Variants in CPNE4 observed in about 807,000 individuals in gnomAD.
CPNE4 encodes the protein copine-4.
Under a neutral mutation model 67.9 loss-of-function variants are expected in CPNE4, and 25 were observed. The observed-to-expected ratio is 0.37, with a 90% CI of 0.27 to 0.51. CPNE4 has a LOEUF of 0.51. Among genes scored for constraint, CPNE4 ranks in the 20% least tolerant of loss-of-function variants. The pLI is 0.93. For synonymous variants in CPNE4, 242 were observed against 244.9 expected, an observed-to-expected ratio of 0.99 and a Z score of 0.11; for missense variants, 464 against 690.8, an observed-to-expected ratio of 0.67 and a Z score of 3.68.
At chr3:131,547,664 G>A (rs901009775) in intron 14 of CPNE4, among the ~76,000 whole-genome samples, 7 of 151,938 alleles carry the variant, frequency 4.6e-5, no homozygotes, top group African/African-American at 1.7e-4. Flanking sequence ...CCAGCATAAA[G>A]GCTAATATAT....
At chr3:131,929,593 A>C (rs2369232) in intron 1 of CPNE4, among the ~76,000 whole-genome samples, 113,841 of 151,424 alleles carry the variant, frequency 0.75, 43,196 homozygotes, top group African/African-American at 0.84. Context: ...TCCAAGGGAA[A>C]TCCCTCACAG....
chr3:131,543,398 T>G (rs1034467032), intron 14 of CPNE4, among the ~76,000 whole-genome samples: 4 of 152,246 alleles, frequency 2.6e-5, no homozygotes, highest in Non-Finnish European at 5.9e-5. Context: ...AGTAGATTAA[T>G]CTACTTTTTC....
chr3:131,621,685 A>G lies in CPNE4; in HGVS notation c.682-34103T>C, dbSNP rs577283746. ...ATAAATCCTATTCTGAGGAAATTACAATAATGTTTCCTAAAAATTATGCCA... is the reference window on the plus strand; with the variant it reads ...ATAAATCCTATTCTGAGGAAATTACGATAATGTTTCCTAAAAATTATGCCA... On this transcript the variant is annotated intron_variant, in intron 7 of 15. Coordinates refer to ENST00000429747, the MANE Select transcript of CPNE4 (RefSeq NM_130808.3). 3.9e-5 allele frequency among the ~76,000 whole-genome samples: 6 copies of G among 152,180 alleles called. No individual in the cohort carries two copies. In the South Asian group the frequency reaches 1.2e-3, roughly 32 times the overall value.
chr3:131,541,256 A>T (rs1233023342), intron 15 of CPNE4, among the ~76,000 whole-genome samples: 2 of 152,194 alleles, frequency 1.3e-5, no homozygotes, highest in Non-Finnish European at 2.9e-5. Flanking sequence ...GGCTTTTATG[A>T]ATTCAAGATG....
intron 2 of CPNE4, among the ~76,000 whole-genome samples, chr3:131,725,846 G>T (rs2081988200): frequency 6.6e-6 from 1 of 152,176 alleles, no homozygotes; most frequent in African/African-American, 2.4e-5. Flanking sequence ...AACAATTGGA[G>T]ACTGTCCCAT....
chr3:131,960,576 T>C (rs1406861690), intron 1 of CPNE4, among the ~76,000 whole-genome samples: 2 of 152,184 alleles, frequency 1.3e-5, no homozygotes, highest in African/African-American at 2.4e-5. Flanking sequence ...CCCTTAACTG[T>C]TCTATAGATA....
intron 1 of CPNE4, among the ~76,000 whole-genome samples, chr3:131,969,953 A>C (rs1366542368): frequency 6.6e-6 from 1 of 152,234 alleles, no homozygotes; most frequent in Non-Finnish European, 1.5e-5. Context: ...GAATTGAATG[A>C]GACATGCCTA....
intron 1 of CPNE4, among the ~76,000 whole-genome samples, chr3:131,909,194 G>A: frequency 6.6e-6 from 1 of 152,114 alleles, no homozygotes; most frequent in Non-Finnish European, 1.5e-5. Flanking sequence ...ACTCTCACAG[G>A]TTCACAAGTC....
intron 1 of CPNE4, among the ~76,000 whole-genome samples, chr3:131,907,040 G>A (rs993163838): frequency 7.2e-5 from 11 of 152,028 alleles, no homozygotes; most frequent in African/African-American, 2.7e-4. Flanking sequence ...TCAAAAAGGG[G>A]GGGAAGGACC....
At position 131,821,424 on chromosome 3, in the gene CPNE4, C is replaced by T. The variant is rs191919648; in HGVS notation, c.180+83840G>A. ...ATCTCCCTATTGTGAGAATTCTGGA[C>T]AGATGCTGTCCCTTCTGCTGATGTA... is the stretch of plus-strand genomic sequence containing the variant. On this transcript the variant is annotated intron_variant, in intron 2 of 15. Coordinates refer to ENST00000429747, the MANE Select transcript of CPNE4 (RefSeq NM_130808.3). Among the ~76,000 whole-genome samples, 696 of 152,338 alleles carry T rather than the reference C, an allele frequency of 4.6e-3. 7 individuals are homozygous for T. Among genetic ancestry groups the T allele is most frequent in the Non-Finnish European group, 5.6e-3 (378 of 68,040 alleles).
intron 6 of CPNE4, among the ~76,000 whole-genome samples, chr3:131,681,624 T>G (rs2080757841): frequency 6.6e-6 from 1 of 152,202 alleles, no homozygotes. Context: ...TTATATCTGT[T>G]TGGTGTTCTA....
chr3:131,763,208 A>C (rs1347866873), intron 2 of CPNE4, among the ~76,000 whole-genome samples: 2 of 152,118 alleles, frequency 1.3e-5, no homozygotes, highest in African/African-American at 4.8e-5. Context: ...CAAGTAATAA[A>C]GTCTTATGAT....
At chr3:132,020,865 G>C (rs1309625206) in intron 1 of CPNE4, among the ~76,000 whole-genome samples, 2 of 152,168 alleles carry the variant, frequency 1.3e-5, no homozygotes, top group African/African-American at 4.8e-5. Context: ...CTCAAATGTT[G>C]CTGAACACAA....
At chr3:131,593,132 A>G (rs1181378995) in intron 7 of CPNE4, among the ~76,000 whole-genome samples, 1 of 152,206 alleles carries the variant, frequency 6.6e-6, no homozygotes, top group African/African-American at 2.4e-5. Context: ...TAATCAGTTT[A>G]CTTTAAAGTA....
In CPNE4 at chr3:132,003,013, C is replaced by A. The variant is rs139828761; in HGVS notation, c.-2+31554G>T. Among the ~76,000 whole-genome samples, 1,165 of 152,194 alleles carry A rather than the reference C, an allele frequency of 7.7e-3. 45 individuals are homozygous for A. The highest frequency in any genetic ancestry group is 0.066 in the Admixed American group (1,012 of 15,276). The stretch of plus-strand genomic sequence containing the variant: ...TCCAGACCTACTGAGTCAGAATTTG[C>A]ATTTTAACAAGATCTCCAGATGATT... On this transcript the variant is annotated intron_variant, in intron 1 of 15. Transcript: ENST00000429747.
chr3:131,856,795 C>T (rs993166189), intron 2 of CPNE4, among the ~76,000 whole-genome samples: 7 of 152,006 alleles, frequency 4.6e-5, no homozygotes, highest in African/African-American at 1.7e-4. Context: ...ATTTGATCCT[C>T]CCGTGAGGTA....
chr3:131,717,858 CTCCTTTCTTTCTTTCT>C (rs749704620), intron 3 of CPNE4, among the ~76,000 whole-genome samples: 1,278 of 33,764 alleles, frequency 0.038, 116 homozygotes, highest in East Asian at 0.15. Flanking sequence ...TCCTCGCTCC[CTCCTTTCTTTCTTTCT>C]TTTCTTTCTT....
At chr3:131,765,542 C>G (rs2082990877) in intron 2 of CPNE4, among the ~76,000 whole-genome samples, 1 of 152,012 alleles carries the variant, frequency 6.6e-6, no homozygotes, top group African/African-American at 2.4e-5. Context: ...TAGCCCAGAC[C>G]CTAAAACCCT....
chr3:131,723,514 T>A lies in CPNE4; in HGVS notation c.292A>T (p.Ile98Phe). ...TTCAGCCCATTGTGGTTGCTGCTGA[T>A]GTCATGGACTTCAAACCGCAGGCGC... ...VQRLRFEVHD[I>F]SSNHNGLKEA... The change falls in exon 3 of 16, where the codon ATC becomes TTC. Residue 98 changes from isoleucine to phenylalanine, a missense_variant. Ile to Phe is a conservative substitution (Grantham distance 21, BLOSUM62 0). This residue lies in a region of CPNE4 where 170 missense variants were observed against 203.3 expected (regional missense o/e 0.84). Coordinates refer to ENST00000429747, the MANE Select transcript of CPNE4 (RefSeq NM_130808.3). The A allele has an allele frequency of 6.2e-7, 1 of 1,614,012 alleles. No homozygotes were observed. The highest frequency in any genetic ancestry group is 1.1e-5 in the South Asian group (1 of 91,078).
Sources: allele counts gnomAD v4.1 joint callset (sites outside exome capture counted in the v4.1 genomes callset), GRCh38; gene constraint gnomAD v4.1.1; regional missense constraint gnomAD v4.1.1; transcripts MANE v1.5; gene names NCBI Gene and HGNC (gene_info 2026-07-23, HGNC 2026-07-21).